MCPH1: variants seen among roughly 807,000 people sequenced by gnomAD.
MCPH1 encodes the protein microcephalin.
A neutral mutation model predicts 84.5 loss-of-function variants in MCPH1; 104 were observed. The observed-to-expected ratio is 1.23, with a 90% CI of 1.05 to 1.45. The LOEUF is 1.45. Ranked by LOEUF, MCPH1 falls within the 40% of genes most tolerant of loss-of-function variation. The pLI, the probability that MCPH1 is intolerant of heterozygous loss-of-function variation, is 0.00. For missense variants in MCPH1, 1,498 were observed against 1,005.7 expected (o/e 1.49, Z -6.62); for synonymous variants, 514 against 366.8 (o/e 1.40, Z -4.58).
chr8:6,622,179 C>G (rs967347129), intron 13 of MCPH1: 3 of 203,446 alleles, frequency 1.5e-5, no homozygotes, highest in African/African-American at 6.9e-5. Context: ...CGTCAAACGA[C>G]TCCATCTTTT....
chr8:6,589,229 T>A (rs1455255060), intron 12 of MCPH1, among the ~76,000 whole-genome samples: 1 of 152,188 alleles, frequency 6.6e-6, no homozygotes, highest in Admixed American at 6.5e-5. Flanking sequence ...ATCAATGGCT[T>A]TTTCACTTAT....
At chr8:6,611,129 C>G (rs528883299) in intron 12 of MCPH1, among the ~76,000 whole-genome samples, 2,729 of 141,850 alleles carry the variant, frequency 0.019, 90 homozygotes, top group African/African-American at 0.076. Flanking sequence ...CACACACACA[C>G]TCACACACAC....
intron 12 of MCPH1, among the ~76,000 whole-genome samples, chr8:6,558,278 GA>G (rs1824975320): frequency 6.6e-6 from 1 of 152,204 alleles, no homozygotes; most frequent in African/African-American, 2.4e-5. Flanking sequence ...GAAGACTGGG[GA>G]AAGAGAATCT....
intron 2 of MCPH1, among the ~76,000 whole-genome samples, chr8:6,409,772 C>A (rs1483986322): frequency 6.6e-6 from 1 of 152,092 alleles, no homozygotes; most frequent in Non-Finnish European, 1.5e-5. Flanking sequence ...AGATGATGAT[C>A]TAGGGGGTCA....
rs9314605 is a variant in MCPH1, at chr8:6,625,920, G to A, written c.2452+4229G>A. On this transcript the variant is annotated intron_variant, in intron 13 of 13. Transcript: ENST00000344683. ...TTTTAGCCACTAGGAACCTCTCTGAGAAGTTTCTTTTCTTTTCCTTTCTTT... is the reference window on the plus strand; with the variant it reads ...TTTTAGCCACTAGGAACCTCTCTGAAAAGTTTCTTTTCTTTTCCTTTCTTT... 1.6e-3 allele frequency: 1,531 copies of A among 985,148 alleles called. 18 individuals carry two copies. In the African/African-American group the frequency reaches 0.025, roughly 16 times the overall value. 61.0% of individuals were successfully genotyped at this position (985,148 alleles called of 1,614,324 possible). A position where few individuals can be genotyped will look rare whatever the true frequency, so the allele number is the denominator to read the frequency against.
chr8:6,438,777 G>A (rs908347061), intron 5 of MCPH1, among the ~76,000 whole-genome samples, 176 bp from the exon 6 acceptor site: 2 of 152,202 alleles, frequency 1.3e-5, no homozygotes, highest in South Asian at 2.1e-4. Flanking sequence ...AGCAGCTGTA[G>A]CAGCAACATC....
chr8:6,417,227 C>G (rs74432578), intron 3 of MCPH1, among the ~76,000 whole-genome samples: 4 of 152,186 alleles, frequency 2.6e-5, no homozygotes, highest in South Asian at 4.2e-4. Context: ...AGCTGTATAT[C>G]TTTTTCTAAT....
intron 12 of MCPH1, among the ~76,000 whole-genome samples, chr8:6,545,085 G>T (rs149513325): frequency 1.3e-5 from 2 of 152,158 alleles, no homozygotes; most frequent in Non-Finnish European, 2.9e-5. Context: ...CCACACCCTA[G>T]GAGTGCTTAC....
intron 13 of MCPH1, among the ~76,000 whole-genome samples, chr8:6,641,113 A>C (rs1797908537): frequency 6.6e-6 from 1 of 151,946 alleles, no homozygotes; most frequent in African/African-American, 2.4e-5. Flanking sequence ...TTTCCTATAA[A>C]CTTTAGAATA....
rs375663857 is a variant in MCPH1 at position 6,528,985 on chromosome 8, G to A, written c.2214+29056G>A. Among the ~76,000 whole-genome samples the A allele has an allele frequency of 7.2e-5, 11 of 152,296 alleles. No homozygotes were observed. In the South Asian group the frequency reaches 2.1e-3, roughly 29 times the overall value. ...TACATTTGGCCTACGTCTTCTTTGA[G>A]TCCAAACATTCTATGTTGGTTATTT... On this transcript the variant is annotated intron_variant, in intron 12 of 13. Coordinates refer to ENST00000344683, the MANE Select transcript of MCPH1 (RefSeq NM_024596.5).
intron 2 of MCPH1, among the ~76,000 whole-genome samples, chr8:6,413,127 C>T (rs1024160701): frequency 4.6e-5 from 7 of 152,100 alleles, no homozygotes; most frequent in Non-Finnish European, 8.8e-5. Context: ...AGTGTCTGAG[C>T]ATGCCTTTAT....
intron 3 of MCPH1, among the ~76,000 whole-genome samples, chr8:6,427,741 A>T (rs1277540284): frequency 6.6e-6 from 1 of 151,828 alleles, no homozygotes; most frequent in East Asian, 1.9e-4. Flanking sequence ...GAAAAAAAAC[A>T]CCTAGGTTAT....
At chr8:6,508,880 T>G (rs774458437) in intron 12 of MCPH1, 27 of 1,612,890 alleles carry the variant, frequency 1.7e-5, no homozygotes, top group South Asian at 1.4e-4. Flanking sequence ...CCTTTCCCTC[T>G]ATGAAATCAT....
At chr8:6,413,551 A>C (rs1228522904) in intron 2 of MCPH1, among the ~76,000 whole-genome samples, 2 of 151,396 alleles carry the variant, frequency 1.3e-5, no homozygotes, top group African/African-American at 4.9e-5. Context: ...TCCTGGTCTG[A>C]GCTTCTGATG....
intron 3 of MCPH1, among the ~76,000 whole-genome samples, chr8:6,418,413 G>A (rs1799626740): frequency 6.6e-6 from 1 of 151,762 alleles, no homozygotes; most frequent in Non-Finnish European, 1.5e-5. Flanking sequence ...TATTTTTCCT[G>A]TATTTCCAGG....
intron 12 of MCPH1, chr8:6,562,552 C>CTTTTTTTTTTTTATTTTTTTTTTTTTTT (rs1825707025): frequency 1.4e-5 from 1 of 71,748 alleles, no homozygotes. Flanking sequence ...CATCCTCCTT[C>CTTTTTTTTTTTTATTTTTTTTTTTTTTT]TTTTTTTTTT....
At chr8:6,503,092 C>G (rs1244223788) in intron 12 of MCPH1, 1 of 1,614,074 alleles carries the variant, frequency 6.2e-7, no homozygotes, top group Admixed American at 1.7e-5. Context: ...CTCAGGTGGA[C>G]TGGGATGTTT....
intron 12 of MCPH1, among the ~76,000 whole-genome samples, chr8:6,580,222 A>G (rs567355938): frequency 1.2e-4 from 19 of 152,288 alleles, no homozygotes; most frequent in African/African-American, 4.3e-4. Context: ...AACCAAAGGG[A>G]AAGGTCTCCC....
intron 11 of MCPH1, among the ~76,000 whole-genome samples, chr8:6,493,266 G>T (rs914900294): frequency 2.6e-5 from 4 of 152,078 alleles, no homozygotes; most frequent in Admixed American, 6.5e-5. Context: ...CCTTAACATC[G>T]AGAATCACCC....
Sources: gnomAD v4.1 joint callset for allele counts (sites outside exome capture counted in the v4.1 genomes callset) on GRCh38, gnomAD v4.1.1 for gene constraint, MANE v1.5 for transcripts, NCBI Gene and HGNC (gene_info 2026-07-23, HGNC 2026-07-21) for gene names.